ERCC6L2: variants seen among roughly 807,000 people sequenced by gnomAD.
ERCC6L2 encodes the protein ERCC excision repair 6 like 2.
Under a neutral mutation model 132.0 loss-of-function variants are expected in ERCC6L2, and 77 were observed. The observed-to-expected ratio is 0.58, with a 90% CI of 0.49 to 0.71. ERCC6L2 has a LOEUF of 0.71. Among genes scored for constraint, ERCC6L2 ranks in the 30% least tolerant of loss-of-function variants. ERCC6L2 has a pLI of 0.00. For synonymous variants in ERCC6L2, 583 were observed against 632.4 expected, an observed-to-expected ratio of 0.92 and a Z score of 1.17; for missense variants, 1,542 against 1,837.6, an observed-to-expected ratio of 0.84 and a Z score of 2.94.
At chr9:95,915,855 T>A (rs1829559576) in intron 5 of ERCC6L2, 26 bp downstream of exon 5, 2 of 1,567,132 alleles carry the variant, frequency 1.3e-6, no homozygotes, top group Non-Finnish European at 1.7e-6. Flanking sequence ...TTTTAAAAAA[T>A]TGTTTAATAG....
At chr9:95,886,256 A>G (rs977896241) in intron 2 of ERCC6L2, among the ~76,000 whole-genome samples, 5 of 152,054 alleles carry the variant, frequency 3.3e-5, no homozygotes, top group Admixed American at 2.0e-4. Flanking sequence ...AGCTCAAGTG[A>G]TCTGCCTGCC....
chr9:95,992,455 G>A (rs1320504339), intron 17 of ERCC6L2, among the ~76,000 whole-genome samples: 4 of 152,168 alleles, frequency 2.6e-5, no homozygotes, highest in Non-Finnish European at 1.5e-5. Context: ...GTCTTTCTCT[G>A]TGTGAAAATG....
chr9:95,954,655 C>G, intron 12 of ERCC6L2: 1 of 398,312 alleles, frequency 2.5e-6, no homozygotes, highest in South Asian at 2.0e-5. Flanking sequence ...GGAATCTCTC[C>G]CATTCACCAA....
chr9:96,018,940 C>T (rs1001561526), downstream of ERCC6L2, among the ~76,000 whole-genome samples: 6 of 152,160 alleles, frequency 3.9e-5, no homozygotes, highest in Non-Finnish European at 5.9e-5. Flanking sequence ...CTTCTTTCTA[C>T]AGATATCTTT....
At chr9:95,960,352 C>T (rs557928593) in intron 13 of ERCC6L2, among the ~76,000 whole-genome samples, 63 of 152,114 alleles carry the variant, frequency 4.1e-4, no homozygotes, top group Admixed American at 1.0e-3. Flanking sequence ...ATACTGGCCC[C>T]GAAAAATATC....
chr9:96,030,342 C>T (rs1202389258), intron 19 of ERCC6L2, among the ~76,000 whole-genome samples: 1 of 152,016 alleles, frequency 6.6e-6, no homozygotes, highest in East Asian at 1.9e-4. Flanking sequence ...CCCTTCCATG[C>T]TGTGGAAGCT....
At chr9:95,899,762 A>ATATGC in intron 3 of ERCC6L2, among the ~76,000 whole-genome samples, 1 of 152,114 alleles carries the variant, frequency 6.6e-6, no homozygotes, top group South Asian at 2.1e-4. Flanking sequence ...TCCTTGATAT[A>ATATGC]AAATAGTGTA....
At chr9:95,887,607 A>G (rs1471339816) in intron 2 of ERCC6L2, among the ~76,000 whole-genome samples, 3 of 152,204 alleles carry the variant, frequency 2.0e-5, no homozygotes, top group Admixed American at 2.0e-4. Context: ...TTGTTTCTAT[A>G]TTATTAGATA....
At chr9:95,894,422 G>A (rs945494807) in intron 2 of ERCC6L2, among the ~76,000 whole-genome samples, 7 of 151,892 alleles carry the variant, frequency 4.6e-5, no homozygotes, top group East Asian at 1.9e-4. Context: ...AATTTATATT[G>A]TGAGTTGTTT....
At chr9:95,907,337 A>ATT in intron 4 of ERCC6L2, 66 bp downstream of exon 4, 788 of 557,442 alleles carry the variant, frequency 1.4e-3, no homozygotes, top group Middle Eastern at 2.3e-3. Context: ...TTATATTAAG[A>ATT]GTTTTTTTTT....
Position 96,017,227 on chromosome 9 carries a change from C to T in ERCC6L2, c.*4024C>T, listed in dbSNP as rs1347770160. ...TTTCCTCTTGGTGACAGCCCCTGTACACTGTGGCATGTACGGCTGGCTCCA... is the reference window on the plus strand; with the variant it reads ...TTTCCTCTTGGTGACAGCCCCTGTATACTGTGGCATGTACGGCTGGCTCCA... On this transcript the variant is annotated 3_prime_UTR_variant, in exon 19 of 19. Coordinates refer to ENST00000653738, the MANE Select transcript of ERCC6L2 (RefSeq NM_020207.7). 6.6e-6 allele frequency among the ~76,000 whole-genome samples: 1 copy of T among 152,152 alleles called. No individual in the cohort carries two copies. The highest frequency in any genetic ancestry group is 1.5e-5 in the Non-Finnish European group (1 of 68,010).
chr9:96,020,179 T>TA (rs1037781075), downstream of ERCC6L2: 3,750 of 151,086 alleles, frequency 0.025, 132 homozygotes, highest in African/African-American at 0.081. Context: ...GATACTCCGT[T>TA]AAAAAAAAAA....
At chr9:96,020,288 A>T (rs1834262805), downstream of ERCC6L2, 1 of 169,690 alleles carries the variant, frequency 5.9e-6, no homozygotes, top group South Asian at 1.3e-4. Flanking sequence ...GGGGATTATT[A>T]AAATTCAAGG....
chr9:95,920,877 A>G (rs1228642014), intron 6 of ERCC6L2, among the ~76,000 whole-genome samples: 1 of 152,136 alleles, frequency 6.6e-6, no homozygotes, highest in African/African-American at 2.4e-5. Flanking sequence ...CCTTGGTTCA[A>G]GCGATTCTCC....
At chr9:96,019,517 A>AGCTCCCTCTCT (rs1834247836), downstream of ERCC6L2, among the ~76,000 whole-genome samples, 1 of 151,988 alleles carries the variant, frequency 6.6e-6, no homozygotes, top group Non-Finnish European at 1.5e-5. Flanking sequence ...TCCTGAATCG[A>AGCTCCCTCTCT]CAGCTCCCTC....
At chr9:95,883,959 C>T (rs796581995) in intron 2 of ERCC6L2, among the ~76,000 whole-genome samples, 10 of 152,304 alleles carry the variant, frequency 6.6e-5, no homozygotes, top group African/African-American at 1.4e-4. Flanking sequence ...CAAATTCTTG[C>T]GCACATTTTA....
chr9:95,960,905 G>A (rs1006768949), intron 13 of ERCC6L2, among the ~76,000 whole-genome samples: 5 of 151,986 alleles, frequency 3.3e-5, no homozygotes, highest in Non-Finnish European at 7.4e-5. Context: ...ATTCTAGCCC[G>A]GATGACTTCA....
chr9:96,015,020 T>TTTTTG lies in ERCC6L2; in HGVS notation c.*1821_*1822insGTTTT, dbSNP rs1834152233. ...ATAGTCTTCATATATGTACAGTTTTTTTTTTTTTTTTTTTTTTTTTGAGAT... is the reference window on the plus strand; with the variant it reads ...ATAGTCTTCATATATGTACAGTTTTTTTTTGTTTTTTTTTTTTTTTTTTTTGAGAT... On this transcript the variant is annotated 3_prime_UTR_variant, in exon 19 of 19. Transcript: ENST00000653738. Among the ~76,000 whole-genome samples, 1 of 120,056 alleles carries TTTTTG rather than the reference T, an allele frequency of 8.3e-6. No individual in the cohort carries two copies. Among genetic ancestry groups the TTTTTG allele is most frequent in the South Asian group, 3.0e-4 (1 of 3,320 alleles). The allele number at this position is 120,056 out of a possible 152,430, so 78.8% of individuals were successfully genotyped here.
At chr9:95,945,575 T>G (rs143908270) in intron 12 of ERCC6L2, among the ~76,000 whole-genome samples, 3 of 152,222 alleles carry the variant, frequency 2.0e-5, no homozygotes, top group Admixed American at 2.0e-4. Flanking sequence ...CTTCACAATT[T>G]ATGTTCAGAG....
Sources: gnomAD v4.1 joint callset for allele counts (sites outside exome capture counted in the v4.1 genomes callset) on GRCh38, gnomAD v4.1.1 for gene constraint, MANE v1.5 for transcripts, NCBI Gene and HGNC (gene_info 2026-07-23, HGNC 2026-07-21) for gene names.